ICA1: variants seen among roughly 807,000 people sequenced by gnomAD.
ICA1 encodes the protein islet cell autoantigen 1.
A neutral mutation model predicts 71.0 loss-of-function variants in ICA1; 40 were observed. The ratio of observed to expected loss-of-function variants is 0.56; its 90% confidence interval spans 0.44 to 0.73. ICA1 has a LOEUF of 0.73. Ranked by LOEUF, ICA1 falls within the 30% of genes least tolerant of loss-of-function variation. The probability of loss-of-function intolerance (pLI) is 0.00; values close to 1 mark genes in which losing one functional copy is unlikely to be tolerated. For missense variants in ICA1, 578 were observed against 576.5 expected (o/e 1.00, Z -0.03); for synonymous variants, 207 against 209.5 (o/e 0.99, Z 0.10).
chr7:8,139,135 CTTCAGGAAG>C (rs1181657960), intron 10 of ICA1, 88 bp from the exon 11 acceptor site: 5 of 1,035,000 alleles, frequency 4.8e-6, no homozygotes, highest in Non-Finnish European at 7.4e-6. Context: ...AAATGCACGG[CTTCAGGAAG>C]AAATGGGATC....
chr7:8,178,345 T>A (rs112184801), intron 6 of ICA1, among the ~76,000 whole-genome samples: 3,261 of 152,314 alleles, frequency 0.021, 86 homozygotes, highest in African/African-American at 0.061. Flanking sequence ...AAGACACTTA[T>A]CACATTGAAT....
intron 10 of ICA1, among the ~76,000 whole-genome samples, chr7:8,140,760 AGG>A (rs2128122243): frequency 6.6e-6 from 1 of 152,368 alleles, no homozygotes; most frequent in South Asian, 2.1e-4. Context: ...CAAGCATTAG[AGG>A]CAAAAAAGTG....
chr7:8,255,115 A>G (rs1365839174), intron 1 of ICA1, among the ~76,000 whole-genome samples: 1 of 151,998 alleles, frequency 6.6e-6, no homozygotes, highest in African/African-American at 2.4e-5. Context: ...ACCTTAGTCC[A>G]TCTTTCTGTC....
chr7:8,170,834 A>T (rs921072997), intron 6 of ICA1, among the ~76,000 whole-genome samples: 1 of 151,986 alleles, frequency 6.6e-6, no homozygotes, highest in Middle Eastern at 3.4e-3. Flanking sequence ...TTGCCTTATT[A>T]TATTGGCTAT....
chr7:8,243,311 A>G (rs1429760972), intron 1 of ICA1, among the ~76,000 whole-genome samples: 1 of 152,238 alleles, frequency 6.6e-6, no homozygotes, highest in Non-Finnish European at 1.5e-5. Context: ...ATCATCGACA[A>G]AAACCACATG....
intron 6 of ICA1, among the ~76,000 whole-genome samples, chr7:8,193,042 T>G (rs1165718382): frequency 1.3e-5 from 2 of 152,198 alleles, no homozygotes; most frequent in Admixed American, 6.5e-5. Flanking sequence ...GGAGGGTATG[T>G]AGAAACAAAG....
At chr7:8,178,090 C>G (rs2348898) in intron 6 of ICA1, among the ~76,000 whole-genome samples, 2,655 of 152,316 alleles carry the variant, frequency 0.017, 47 homozygotes, top group East Asian at 0.082. Context: ...ACTAAACTAT[C>G]TACAATCTTC....
chr7:8,239,056 C>A (rs895773158), intron 1 of ICA1, among the ~76,000 whole-genome samples: 3 of 152,210 alleles, frequency 2.0e-5, no homozygotes, highest in Non-Finnish European at 4.4e-5. Context: ...ATCATAGGCA[C>A]AGGAGCAAAG....
intron 6 of ICA1, among the ~76,000 whole-genome samples, chr7:8,204,212 CT>C (rs1332481535): frequency 6.6e-6 from 1 of 152,164 alleles, no homozygotes; most frequent in African/African-American, 2.4e-5. Context: ...CCCCAGAAAC[CT>C]TTTTTTCCAA....
At chr7:8,206,210 C>G (rs955123608) in intron 6 of ICA1, among the ~76,000 whole-genome samples, 2 of 152,140 alleles carry the variant, frequency 1.3e-5, no homozygotes, top group East Asian at 1.9e-4. Context: ...AAGAAACACT[C>G]TCATCTTCCT....
intron 12 of ICA1, among the ~76,000 whole-genome samples, chr7:8,135,929 C>A (rs1793254173): frequency 6.6e-6 from 1 of 151,998 alleles, no homozygotes; most frequent in East Asian, 1.9e-4. Context: ...TTTCTTGGCC[C>A]AATTTTGGGA....
intron 6 of ICA1, among the ~76,000 whole-genome samples, chr7:8,174,908 G>A (rs535980894): frequency 6.6e-6 from 1 of 152,192 alleles, no homozygotes; most frequent in South Asian, 2.1e-4. Context: ...GAAAGAAACC[G>A]AAGAATGAGT....
At chr7:8,233,017 A>G (rs538125655) in intron 2 of ICA1, among the ~76,000 whole-genome samples, 1 of 144,686 alleles carries the variant, frequency 6.9e-6, no homozygotes, top group Non-Finnish European at 1.5e-5. Context: ...AAGAATGTAG[A>G]TATAACAGAC....
chr7:8,236,118 A>C (rs1801769474), intron 1 of ICA1, 113 bp from the exon 2 acceptor site: 4 of 591,590 alleles, frequency 6.8e-6, no homozygotes, highest in Non-Finnish European at 1.2e-5. Flanking sequence ...TTTAGGGTCT[A>C]ACACTGTTAC....
intron 7 of ICA1, chr7:8,158,257 G>A: frequency 2.4e-6 from 1 of 412,424 alleles, no homozygotes. Context: ...AATTTGGAAA[G>A]GCACGGATGG....
chr7:8,116,450 A>C (rs1471170953), intron 13 of ICA1: 1 of 152,226 alleles, frequency 6.6e-6, no homozygotes, highest in Non-Finnish European at 1.5e-5. Flanking sequence ...CTCATACTGG[A>C]ATACATTTGA....
intron 6 of ICA1, among the ~76,000 whole-genome samples, chr7:8,207,379 G>A (rs539784807): frequency 4.6e-5 from 7 of 152,198 alleles, no homozygotes; most frequent in African/African-American, 1.7e-4. Context: ...CTGAACCCAT[G>A]TAAAATTGGC....
At chr7:8,237,093 A>G (rs1326525639) in intron 1 of ICA1, among the ~76,000 whole-genome samples, 1 of 152,258 alleles carries the variant, frequency 6.6e-6, no homozygotes, top group Admixed American at 6.5e-5. Context: ...GAGGAAGAAG[A>G]GAATTTCCAG....
At chr7:8,183,918 T>A (rs1037682856) in intron 6 of ICA1, among the ~76,000 whole-genome samples, 31 of 152,188 alleles carry the variant, frequency 2.0e-4, no homozygotes, top group African/African-American at 7.5e-4. Context: ...AAACAATATA[T>A]AAAAAACATA....
Sources: allele counts gnomAD v4.1 joint callset (sites outside exome capture counted in the v4.1 genomes callset), GRCh38; gene constraint gnomAD v4.1.1; transcripts MANE v1.5; gene names NCBI Gene and HGNC (gene_info 2026-07-23, HGNC 2026-07-21).